The following MPZL1 variants were observed in gnomAD, a reference collection of about 807,000 sequenced individuals.
The protein encoded by MPZL1 is myelin protein zero-like protein 1.
MPZL1 carries 16 observed loss-of-function variants against 29.3 expected under a neutral mutation model. The observed-to-expected ratio is 0.55, with a 90% CI of 0.37 to 0.83. The LOEUF (loss-of-function observed/expected upper bound fraction) is 0.83, where lower values mean the gene tolerates loss of function less well. MPZL1 is among the 40% of genes least tolerant of loss of function. The pLI, the probability that MPZL1 is intolerant of heterozygous loss-of-function variation, is 0.00. For synonymous variants in MPZL1, 143 were observed against 132.0 expected, an observed-to-expected ratio of 1.08 and a Z score of -0.57; for missense variants, 279 against 332.9, an observed-to-expected ratio of 0.84 and a Z score of 1.26.
chr1:167,753,100 G>A (rs1660790377), intron 1 of MPZL1, among the ~76,000 whole-genome samples: 1 of 152,214 alleles, frequency 6.6e-6, no homozygotes, highest in Admixed American at 6.5e-5. Flanking sequence ...TTACTGAAGA[G>A]TGTGGCAGAA....
chr1:167,734,237 CAG>C (rs778613410), intron 1 of MPZL1, among the ~76,000 whole-genome samples: 2 of 149,896 alleles, frequency 1.3e-5, no homozygotes, highest in East Asian at 2.0e-4. Flanking sequence ...GCCTGGGTGA[CAG>C]AGCGAGACTC....
intron 1 of MPZL1, among the ~76,000 whole-genome samples, chr1:167,758,177 G>GT (rs1660910496): frequency 6.6e-6 from 1 of 151,754 alleles, no homozygotes; most frequent in Non-Finnish European, 1.5e-5. Context: ...AAAAGATAAG[G>GT]TTTTTACAAA....
At chr1:167,762,945 T>A (rs1661019236) in intron 1 of MPZL1, among the ~76,000 whole-genome samples, 1 of 152,220 alleles carries the variant, frequency 6.6e-6, no homozygotes, top group African/African-American at 2.4e-5. Context: ...TGGGCTAGCT[T>A]TGGATTTCAT....
At chr1:167,731,317 T>C (rs1660262151) in intron 1 of MPZL1, among the ~76,000 whole-genome samples, 1 of 5,736 alleles carries the variant, frequency 1.7e-4, no homozygotes, top group Non-Finnish European at 3.2e-4. Context: ...ACACCTGTTA[T>C]CCCAGCTATT....
At position 167,752,304 on chromosome 1, in the gene MPZL1, G is replaced by A. The variant is rs1660775825; in HGVS notation, c.92-13279G>A. On this transcript the variant is annotated intron_variant, in intron 1 of 5. Coordinates refer to ENST00000359523, the MANE Select transcript of MPZL1 (RefSeq NM_003953.6). ...ACATATAGTCTATTTGCTACTTCAGGGGGATGGTTTAGTAGGAACTTACCT... is the reference window on the plus strand; with the variant it reads ...ACATATAGTCTATTTGCTACTTCAGAGGGATGGTTTAGTAGGAACTTACCT... Among the ~76,000 whole-genome samples the A allele has an allele frequency of 2.0e-5, 3 of 151,962 alleles. No homozygotes were observed. In the South Asian group the frequency reaches 6.3e-4, roughly 32 times the overall value.
intron 5 of MPZL1, among the ~76,000 whole-genome samples, chr1:167,778,842 A>G (rs1661428331): frequency 6.6e-6 from 1 of 152,160 alleles, no homozygotes; most frequent in African/African-American, 2.4e-5. Context: ...CAAAAAAAAA[A>G]GGTCAATCAA....
intron 1 of MPZL1, among the ~76,000 whole-genome samples, chr1:167,744,470 G>T (rs1478361490): frequency 6.6e-6 from 1 of 152,016 alleles, no homozygotes; most frequent in African/African-American, 2.4e-5. Flanking sequence ...GATCACCTGA[G>T]GTCAGGAGTT....
chr1:167,769,209 T>C (rs1447921319), intron 2 of MPZL1, among the ~76,000 whole-genome samples: 1 of 152,164 alleles, frequency 6.6e-6, no homozygotes, highest in Non-Finnish European at 1.5e-5. Context: ...TATGGGTCTT[T>C]CACGTTTTTG....
chr1:167,778,523 A>AGGATGGATGGAT (rs10666527), intron 5 of MPZL1, among the ~76,000 whole-genome samples: 56 of 147,340 alleles, frequency 3.8e-4, no homozygotes, highest in African/African-American at 6.6e-4. Flanking sequence ...GAAGGAAGGA[A>AGGATGGATGGAT]GGATGGATGG....
At chr1:167,739,344 G>A (rs1419851553) in intron 1 of MPZL1, among the ~76,000 whole-genome samples, 5 of 121,414 alleles carry the variant, frequency 4.1e-5, no homozygotes, top group South Asian at 2.6e-4. Context: ...CTTTCTTGGC[G>A]TTCCTGCTGC....
Position 167,776,075 on chromosome 1 carries a change from CAG to C in MPZL1, c.622_623del (p.Ser208PhefsTer5). The C allele has an allele frequency of 6.2e-7, 1 of 1,609,012 alleles. No homozygotes were observed. Among genetic ancestry groups the C allele is most frequent in the Non-Finnish European group, 8.5e-7 (1 of 1,177,058 alleles). On this transcript the variant is annotated frameshift_variant, in exon 5 of 6. Transcript: ENST00000359523. LOFTEE classifies it high-confidence loss of function. ...TGCCAATTCATCAGCTGCAGTACAT[CAG>C]AGAGTTTGTCACCAGTTAAGCAGGC...
intron 1 of MPZL1, among the ~76,000 whole-genome samples, chr1:167,758,976 T>C (rs1015879792): frequency 4.6e-5 from 7 of 152,248 alleles, no homozygotes; most frequent in African/African-American, 1.7e-4. Flanking sequence ...TGGCAGGATA[T>C]GAAAATGTTT....
At chr1:167,771,388 ACTT>A (rs1306571333) in intron 2 of MPZL1, among the ~76,000 whole-genome samples, 1 of 152,110 alleles carries the variant, frequency 6.6e-6, no homozygotes, top group African/African-American at 2.4e-5. Flanking sequence ...TCCTATGTCT[ACTT>A]CTTTCTACAC....
intron 2 of MPZL1, 149 bp from the exon 3 acceptor site, chr1:167,772,126 G>GGAGAGAGAGGGGGA: frequency 2.9e-6 from 2 of 680,164 alleles, no homozygotes; most frequent in Non-Finnish European, 5.0e-6. Context: ...GAAAAAAGGA[G>GGAGAGAGAGGGGGA]GAGAGAGAGG....
intron 1 of MPZL1, among the ~76,000 whole-genome samples, chr1:167,742,884 A>G (rs536581346): frequency 5.3e-5 from 8 of 152,204 alleles, no homozygotes; most frequent in African/African-American, 1.7e-4. Context: ...CAGTTGTTGA[A>G]TAGGGTGTCC....
At chr1:167,738,126 G>A (rs1048624199) in intron 1 of MPZL1, among the ~76,000 whole-genome samples, 8 of 151,994 alleles carry the variant, frequency 5.3e-5, no homozygotes, top group South Asian at 2.1e-4. Context: ...AGGTTCCACC[G>A]TGTTAGCTAG....
At chr1:167,769,595 C>T (rs537757008) in intron 2 of MPZL1, among the ~76,000 whole-genome samples, 37 of 152,256 alleles carry the variant, frequency 2.4e-4, no homozygotes, top group African/African-American at 6.7e-4. Flanking sequence ...CACAGGAGTC[C>T]GTGTCTTCTG....
At chr1:167,739,292 TATATATATATATATATACAC>T (rs1326604097) in intron 1 of MPZL1, among the ~76,000 whole-genome samples, 14 of 109,788 alleles carry the variant, frequency 1.3e-4, no homozygotes, top group South Asian at 2.4e-4. Flanking sequence ...CATATATATA[TATATATATATATATATACAC>T]ATATATATAT....
At chr1:167,771,683 G>A (rs923657220) in intron 2 of MPZL1, among the ~76,000 whole-genome samples, 3 of 151,852 alleles carry the variant, frequency 2.0e-5, no homozygotes, top group East Asian at 3.9e-4. Context: ...CCCAGAGGAT[G>A]GGCGGCCAGG....
Sources: allele counts gnomAD v4.1 joint callset (sites outside exome capture counted in the v4.1 genomes callset), GRCh38; gene constraint gnomAD v4.1.1; transcripts MANE v1.5; gene names NCBI Gene and HGNC (gene_info 2026-07-23, HGNC 2026-07-21).